CA10: variants seen among roughly 807,000 people sequenced by gnomAD.
CA10 encodes carbonic anhydrase 10 (inactive).
Under a neutral mutation model 44.2 loss-of-function variants are expected in CA10, and 14 were observed. That is an observed-to-expected ratio of 0.32 (90% CI 0.21 to 0.50). The LOEUF (loss-of-function observed/expected upper bound fraction) is 0.50. Ranked by LOEUF, CA10 falls within the 20% of genes least tolerant of loss-of-function variation. The pLI is 0.99. For missense variants in CA10, 350 were observed against 409.7 expected, an observed-to-expected ratio of 0.85 and a Z score of 1.26; for synonymous variants, 159 against 141.6, an observed-to-expected ratio of 1.12 and a Z score of -0.87.
intron 4 of CA10, among the ~76,000 whole-genome samples, chr17:51,711,169 G>T (rs947116986): frequency 4.6e-5 from 7 of 151,994 alleles, no homozygotes; most frequent in African/African-American, 1.2e-4. Flanking sequence ...CTCACCAAAG[G>T]CTCTGTGAAA....
chr17:51,830,884 T>C (rs752050031), intron 3 of CA10, among the ~76,000 whole-genome samples: 2 of 152,184 alleles, frequency 1.3e-5, no homozygotes, highest in African/African-American at 2.4e-5. Flanking sequence ...AGAAAACTGG[T>C]ATTTTCAGAC....
At chr17:52,077,219 G>A (rs1434345820) in intron 1 of CA10, among the ~76,000 whole-genome samples, 1 of 152,180 alleles carries the variant, frequency 6.6e-6, no homozygotes, top group African/African-American at 2.4e-5. Flanking sequence ...GAATGAATGG[G>A]ATAGCTGAAG....
At chr17:52,047,244 T>G (rs557593569) in intron 2 of CA10, among the ~76,000 whole-genome samples, 3 of 151,986 alleles carry the variant, frequency 2.0e-5, no homozygotes, top group African/African-American at 7.2e-5. Flanking sequence ...GTTCTCTTAA[T>G]ATGAACCTCT....
At chr17:51,762,199 A>C (rs1598032170) in intron 3 of CA10, 1 of 152,366 alleles carries the variant, frequency 6.6e-6, no homozygotes, top group South Asian at 2.1e-4. Context: ...TGTAATAGAT[A>C]ATACATGTGA....
intron 4 of CA10, among the ~76,000 whole-genome samples, chr17:51,723,544 G>T (rs1276050516): frequency 1.3e-5 from 2 of 150,992 alleles, no homozygotes; most frequent in African/African-American, 4.9e-5. Flanking sequence ...CTATGGGAAA[G>T]ACACACACTT....
chr17:52,037,929 A>C (rs964570062), intron 2 of CA10, among the ~76,000 whole-genome samples: 4 of 151,910 alleles, frequency 2.6e-5, no homozygotes, highest in African/African-American at 9.7e-5. Context: ...TCTGGCCCAA[A>C]ACTCTTTATA....
At chr17:51,886,578 G>T (rs1980610100) in intron 3 of CA10, among the ~76,000 whole-genome samples, 1 of 152,122 alleles carries the variant, frequency 6.6e-6, no homozygotes, top group Non-Finnish European at 1.5e-5. Context: ...GATTTATCAT[G>T]GTCAGCCATT....
chr17:51,687,875 A>G (rs1915057987), intron 4 of CA10, among the ~76,000 whole-genome samples: 1 of 152,216 alleles, frequency 6.6e-6, no homozygotes, highest in Non-Finnish European at 1.5e-5. Context: ...CCAGCCTTCA[A>G]GAATACTCCT....
intron 3 of CA10, among the ~76,000 whole-genome samples, chr17:51,793,892 A>G (rs554715001): frequency 9.8e-5 from 15 of 152,326 alleles, no homozygotes; most frequent in African/African-American, 3.6e-4. Flanking sequence ...ATGCCTGAGC[A>G]TGCTCAGATT....
At chr17:52,112,339 C>T (rs1026489947) in intron 1 of CA10, among the ~76,000 whole-genome samples, 2 of 152,148 alleles carry the variant, frequency 1.3e-5, no homozygotes, top group African/African-American at 4.8e-5. Context: ...AAACTATGGA[C>T]CAAATCTCTC....
chr17:51,937,730 G>C (rs1048255521), intron 2 of CA10, among the ~76,000 whole-genome samples: 2 of 152,088 alleles, frequency 1.3e-5, no homozygotes, highest in African/African-American at 4.8e-5. Flanking sequence ...CTAACAAATA[G>C]TTATAACAAA....
intron 2 of CA10, among the ~76,000 whole-genome samples, chr17:52,050,892 G>C (rs1316775695): frequency 6.6e-6 from 1 of 151,986 alleles, no homozygotes; most frequent in Non-Finnish European, 1.5e-5. Flanking sequence ...TAAGCTGAGA[G>C]GACAAGACCA....
chr17:51,896,306 A>G (rs1227880788), intron 3 of CA10, among the ~76,000 whole-genome samples: 1 of 151,930 alleles, frequency 6.6e-6, no homozygotes, highest in South Asian at 2.1e-4. Flanking sequence ...CATATGCTCA[A>G]TGTTTAGCTG....
rs185431375 is a variant in CA10 at position 51,776,862 on chromosome 17, G to A, written c.280-29044C>T. On this transcript the variant is annotated intron_variant, in intron 3 of 8. Transcript: ENST00000451037. Reference sequence around the variant, plus strand: ...GAGAATCTCATCTGTGTAGCGGGGCGTGGGAGTCAGGTTTTTCAGACACCA... The same window carrying A: ...GAGAATCTCATCTGTGTAGCGGGGCATGGGAGTCAGGTTTTTCAGACACCA... 2.9e-3 allele frequency among the ~76,000 whole-genome samples: 442 copies of A among 152,268 alleles called. 4 individuals carry two copies. Among genetic ancestry groups the A allele is most frequent in the African/African-American group, 8.8e-3 (364 of 41,542 alleles).
chr17:51,985,585 T>A (rs917211757), intron 2 of CA10, among the ~76,000 whole-genome samples: 6 of 151,992 alleles, frequency 3.9e-5, no homozygotes, highest in Admixed American at 6.6e-5. Context: ...TGTTTGCTGA[T>A]GATATGATTA....
At chr17:51,760,585 T>C (rs552236718) in intron 3 of CA10, among the ~76,000 whole-genome samples, 1 of 152,286 alleles carries the variant, frequency 6.6e-6, no homozygotes, top group East Asian at 1.9e-4. Flanking sequence ...AAGGAGGGGA[T>C]GGGATGCGAG....
intron 3 of CA10, among the ~76,000 whole-genome samples, chr17:51,878,428 A>C (rs1339425962): frequency 1.3e-5 from 2 of 152,132 alleles, no homozygotes; most frequent in African/African-American, 4.8e-5. Context: ...CCAGCTATTT[A>C]GAGATGTGAA....
At chr17:51,994,418 TTTAA>T (rs1985155337) in intron 2 of CA10, among the ~76,000 whole-genome samples, 1 of 152,082 alleles carries the variant, frequency 6.6e-6, no homozygotes, top group Non-Finnish European at 1.5e-5. Flanking sequence ...TTTTCTAGGC[TTTAA>T]TTTTTTCAAC....
At chr17:51,915,951 T>C (rs369302357) in intron 3 of CA10, among the ~76,000 whole-genome samples, 54 of 148,754 alleles carry the variant, frequency 3.6e-4, no homozygotes, top group African/African-American at 1.2e-3. Context: ...TCCTCACTGC[T>C]ATTAAGATTT....
Sources: allele counts gnomAD v4.1 joint callset (sites outside exome capture counted in the v4.1 genomes callset), GRCh38; gene constraint gnomAD v4.1.1; transcripts MANE v1.5; gene names NCBI Gene and HGNC (gene_info 2026-07-23, HGNC 2026-07-21).